ZNF460: variants seen among roughly 807,000 people sequenced by gnomAD.
The protein encoded by ZNF460 is zinc finger protein 460, also known as zinc finger protein 272.
Under a neutral mutation model 8.4 loss-of-function variants are expected in ZNF460, and 1 was observed. That is an observed-to-expected ratio of 0.12 (90% confidence interval 0.04 to 0.56). ZNF460 has a LOEUF of 0.56. ZNF460 is among the 20% of genes least tolerant of loss of function. The probability of loss-of-function intolerance (pLI) is 0.91; values close to 1 mark genes in which losing one functional copy is unlikely to be tolerated. For synonymous variants in ZNF460, 262 were observed against 259.9 expected, an observed-to-expected ratio of 1.01 and a Z score of -0.08; for missense variants, 477 against 714.8, an observed-to-expected ratio of 0.67 and a Z score of 3.79.
At position 57,292,668 on chromosome 19, in the gene ZNF460, T is replaced by G. The variant is rs1159227773; in HGVS notation, c.*438T>G. ...CTTCCCTGACAAGCCCATGGCAATT[T>G]GTCATCCCCTCCTTATTTTATTTGG... On this transcript the variant is annotated 3_prime_UTR_variant, in exon 3 of 3. Coordinates refer to ENST00000360338, the MANE Select transcript of ZNF460 (RefSeq NM_006635.4). 2 of 160,806 alleles carry G rather than the reference T, an allele frequency of 1.2e-5. No individual in the cohort carries two copies. The highest frequency in any genetic ancestry group is 4.8e-5 in the African/African-American group (2 of 41,528). The allele number at this position is 160,806 out of a possible 1,614,324, so 10.0% of individuals were successfully genotyped here.
At chr19:57,287,377 G>A (rs1482445481) in intron 2 of ZNF460, among the ~76,000 whole-genome samples, 1 of 152,142 alleles carries the variant, frequency 6.6e-6, no homozygotes, top group Non-Finnish European at 1.5e-5. Context: ...ATATTTTCTG[G>A]TGGATGTAAA....
Position 57,291,569 on chromosome 19 carries a change from A to C in ZNF460, c.1028A>C (p.Lys343Thr). 1 of 1,614,058 alleles carries C rather than the reference A, an allele frequency of 6.2e-7. No homozygotes were observed. The change falls in exon 3 of 3, where the codon AAG becomes ACG. Residue 343 changes from lysine to threonine, a missense_variant. Coordinates refer to ENST00000360338, the MANE Select transcript of ZNF460 (RefSeq NM_006635.4). The surrounding 1 kb of genome is among the most constrained non-coding windows in gnomAD (Gnocchi z 8.4). ...ERPFKCLECGKAFNCRSHLKQ... is the reference protein window; with the variant it reads ...ERPFKCLECGTAFNCRSHLKQ... ...CCCTTTAAGTGCCTTGAGTGTGGGA[A>C]GGCCTTCAACTGCAGGTCACACCTC...
In ZNF460 at chr19:57,291,860, G is replaced by A; in HGVS notation, c.1319G>A (p.Trp440Ter). 1 of 1,614,142 alleles carries A rather than the reference G, an allele frequency of 6.2e-7. No individual in the cohort carries two copies. Among genetic ancestry groups the A allele is most frequent in the Non-Finnish European group, 8.5e-7 (1 of 1,180,024 alleles). Residue 440 changes from tryptophan to a stop codon, truncating the protein, a stop_gained, in exon 3 of 3, where the codon TGG becomes TAG. Coordinates refer to ENST00000360338, the MANE Select transcript of ZNF460 (RefSeq NM_006635.4). LOFTEE classifies it low-confidence loss of function (END_TRUNC). This position sits in a 1 kb window ranked among gnomAD's most constrained non-coding sequence, Gnocchi z 8.4. ...ATGTCAGGGCTCACAAGGCACCAGT[G>A]GATTCATACTGGAGAGAAGCCGTAT... ...TRMSGLTRHQWIHTGEKPYVC... is the reference protein window; with the variant it reads ...TRMSGLTRHQ
intron 2 of ZNF460, among the ~76,000 whole-genome samples, chr19:57,286,238 T>G (rs2087878461): frequency 6.6e-6 from 1 of 152,162 alleles, no homozygotes; most frequent in African/African-American, 2.4e-5. Flanking sequence ...TTTTTGTCTG[T>G]GTCACGTTTT....
rs940659332 is a variant in ZNF460 at position 57,293,405 on chromosome 19, G to A, written c.*1175G>A. On this transcript the variant is annotated 3_prime_UTR_variant, in exon 3 of 3. Coordinates refer to ENST00000360338, the MANE Select transcript of ZNF460 (RefSeq NM_006635.4). ...CCTGCATATGTATATGCAGGTAGTT[G>A]TCACCATGGATTGAGTCCAGTCGTA... The A allele has an allele frequency of 2.0e-5, 3 of 152,168 alleles. No individual in the cohort carries two copies. Among genetic ancestry groups the A allele is most frequent in the African/African-American group, 7.2e-5 (3 of 41,442 alleles). 9.4% of individuals were successfully genotyped at this position (152,168 alleles called of 1,614,324 possible).
rs369076637 is a variant in ZNF460, at chr19:57,287,223, T to C, written c.157+2546T>C. ...GTCTGTGTTATTCTTTTGAGGTGTTTATATACAGTCGGAGTTGGTTCATTC... is the reference window on the plus strand; with the variant it reads ...GTCTGTGTTATTCTTTTGAGGTGTTCATATACAGTCGGAGTTGGTTCATTC... On this transcript the variant is annotated intron_variant, in intron 2 of 2. Transcript: ENST00000360338. Among the ~76,000 whole-genome samples, 10 of 152,334 alleles carry C rather than the reference T, an allele frequency of 6.6e-5. 1 individual carries two copies. In the East Asian group the frequency reaches 1.9e-3, roughly 29 times the overall value.
In ZNF460 at chr19:57,292,306, T is replaced by C. The variant is rs1309559949; in HGVS notation, c.*76T>C. On this transcript the variant is annotated 3_prime_UTR_variant, in exon 3 of 3. Coordinates refer to ENST00000360338, the MANE Select transcript of ZNF460 (RefSeq NM_006635.4). The stretch of plus-strand genomic sequence containing the variant: ...CTATTAGCGAAATAGTTTTTTAATA[T>C]AACCACTGAAGAAAATCTGTGGTGA... 2.1e-6 allele frequency: 3 copies of C among 1,434,956 alleles called. No individual in the cohort carries two copies. Among genetic ancestry groups the C allele is most frequent in the Non-Finnish European group, 2.8e-6 (3 of 1,063,204 alleles). 88.9% of individuals were successfully genotyped at this position (1,434,956 alleles called of 1,614,324 possible).
At position 57,291,926 on chromosome 19, in the gene ZNF460, A is replaced by G. The variant is rs1363494643; in HGVS notation, c.1385A>G (p.Asn462Ser). The G allele has an allele frequency of 4.3e-6, 7 of 1,613,306 alleles. No homozygotes were observed. The highest frequency in any genetic ancestry group is 5.9e-6 in the Non-Finnish European group (7 of 1,179,838). The change falls in exon 3 of 3, where the codon AAC becomes AGC. Residue 462 changes from asparagine to serine, a missense_variant. Around this residue, in one of 5 missense-constraint regions of ZNF460, gnomAD observed 193 missense variants for 391.7 expected, o/e 0.49. Coordinates refer to ENST00000360338, the MANE Select transcript of ZNF460 (RefSeq NM_006635.4). This position sits in a 1 kb window ranked among gnomAD's most constrained non-coding sequence, Gnocchi z 8.4. ...GGGAAAGCCTTTTGTCGGACCACAA[A>G]CCTGATTCGACACTTTAGCATCCAC... Reference protein sequence around the residue: ...QCGKAFCRTTNLIRHFSIHTG... With the variant: ...QCGKAFCRTTSLIRHFSIHTG...
intron 1 of ZNF460, among the ~76,000 whole-genome samples, chr19:57,284,178 T>C (rs2087862103): frequency 1.3e-5 from 2 of 151,744 alleles, no homozygotes; most frequent in Non-Finnish European, 2.9e-5. Flanking sequence ...TCAAGTGGCT[T>C]CCTGCCTAGG....
intron 1 of ZNF460, among the ~76,000 whole-genome samples, chr19:57,281,093 G>A (rs372174144): frequency 6.6e-6 from 1 of 152,176 alleles, no homozygotes; most frequent in Admixed American, 6.5e-5. Flanking sequence ...AACCTTCTCT[G>A]TTGCCTGCCA....
rs2087913574 is a variant in ZNF460 at position 57,290,988 on chromosome 19, T to C, written c.447T>C (p.Ala149=). Residue 149 remains alanine (A), a synonymous_variant, in exon 3 of 3, where the codon GCT becomes GCC. Coordinates refer to ENST00000360338, the MANE Select transcript of ZNF460 (RefSeq NM_006635.4). ...MIQNQVSPED[A]LYGFDSYGPV... ...AGAACCAAGTCTCACCAGAAGATGC[T>C]CTCTATGGATTTGACTCATATGGAC... 1.2e-6 allele frequency: 2 copies of C among 1,614,122 alleles called. No individual in the cohort carries two copies. Among genetic ancestry groups the C allele is most frequent in the African/African-American group, 1.3e-5 (1 of 74,942 alleles).
intron 1 of ZNF460, among the ~76,000 whole-genome samples, chr19:57,283,811 C>A (rs1021302622): frequency 7.2e-5 from 11 of 151,996 alleles, no homozygotes; most frequent in Admixed American, 1.3e-4. Flanking sequence ...CTTGACTATT[C>A]TTGATGAAGT....
At chr19:57,290,168 G>A (rs1381887727) in intron 2 of ZNF460, among the ~76,000 whole-genome samples, 1 of 152,056 alleles carries the variant, frequency 6.6e-6, no homozygotes, top group Admixed American at 6.6e-5. Flanking sequence ...AAAGCCAAGC[G>A]TGGTAGCATA....
In ZNF460 at chr19:57,290,818, G is replaced by C; in HGVS notation, c.277G>C (p.Ala93Pro). ...GVPRYSYLGQAMDQDGPSEMQ... is the reference protein window; with the variant it reads ...GVPRYSYLGQPMDQDGPSEMQ... ...CCCAAGATACTCCTATTTGGGGCAG[G>C]CCATGGATCAAGATGGGCCATCTGA... The change falls in exon 3 of 3, where the codon GCC becomes CCC. Residue 93 changes from alanine (A) to proline (P), a missense_variant. Ala to Pro is a conservative substitution (Grantham distance 27). Coordinates refer to ENST00000360338, the MANE Select transcript of ZNF460 (RefSeq NM_006635.4). 1 of 1,614,166 alleles carries C rather than the reference G, an allele frequency of 6.2e-7. No homozygotes were observed. Among genetic ancestry groups the C allele is most frequent in the East Asian group, 2.2e-5 (1 of 44,870 alleles).
In ZNF460 at chr19:57,292,388, T is replaced by A. The variant is rs930500077; in HGVS notation, c.*158T>A. ...CTGAAGAGAAACTCCATAAGTATCA[T>A]CTCTGTGGGAAAACCTGTTTTAGAT... On this transcript the variant is annotated 3_prime_UTR_variant, in exon 3 of 3. Transcript: ENST00000360338. 7 of 756,996 alleles carry A rather than the reference T, an allele frequency of 9.2e-6. No homozygotes were observed. Among genetic ancestry groups the A allele is most frequent in the African/African-American group, 1.8e-5 (1 of 57,092 alleles). 46.9% of individuals were successfully genotyped at this position (756,996 alleles called of 1,614,324 possible). A position where few individuals can be genotyped will look rare whatever the true frequency, so the allele number is the denominator to read the frequency against.
chr19:57,282,536 T>C (rs2087847670), intron 1 of ZNF460, among the ~76,000 whole-genome samples: 1 of 152,246 alleles, frequency 6.6e-6, no homozygotes, highest in Admixed American at 6.5e-5. Context: ...TGATGATGAC[T>C]ACACTTCTCT....
In ZNF460 at chr19:57,290,807, A is replaced by G. The variant is rs372586006; in HGVS notation, c.266A>G (p.Tyr89Cys). 3.0e-5 allele frequency: 48 copies of G among 1,614,026 alleles called. No individual in the cohort carries two copies. Among genetic ancestry groups the G allele is most frequent in the Middle Eastern group, 1.6e-4 (1 of 6,084 alleles). ...QLAQGVPRYS[Y>C]LGQAMDQDGP... is the part of the protein sequence containing the mutation. ...GCACAGGGAGTCCCAAGATACTCCT[A>G]TTTGGGGCAGGCCATGGATCAAGAT... Residue 89 changes from tyrosine to cysteine, a missense_variant, in exon 3 of 3, where the codon TAT becomes TGT. This residue lies in a region of ZNF460 where 169 missense variants were observed against 178.6 expected (regional missense o/e 0.95). Coordinates refer to ENST00000360338, the MANE Select transcript of ZNF460 (RefSeq NM_006635.4).
intron 2 of ZNF460, among the ~76,000 whole-genome samples, chr19:57,287,868 C>G (rs1426078170): frequency 2.0e-5 from 3 of 152,078 alleles, no homozygotes; most frequent in Non-Finnish European, 4.4e-5. Flanking sequence ...AGGTGCCTAT[C>G]ATCTGAGCTA....
chr19:57,283,443 C>T (rs937108893), intron 1 of ZNF460, among the ~76,000 whole-genome samples: 1 of 150,692 alleles, frequency 6.6e-6, no homozygotes, highest in Non-Finnish European at 1.5e-5. Flanking sequence ...GCTGGGATTA[C>T]AGGCATGAGT....
Sources: gnomAD v4.1 joint callset for allele counts (sites outside exome capture counted in the v4.1 genomes callset) on GRCh38, gnomAD v4.1.1 for gene constraint, gnomAD v4.1.1 regional missense constraint, Gnocchi (gnomAD v3.1) non-coding constraint, MANE v1.5 for transcripts, NCBI Gene and HGNC (gene_info 2026-07-23, HGNC 2026-07-21) for gene names.